CACNA2D3: variants seen among roughly 807,000 people sequenced by gnomAD.
CACNA2D3 encodes voltage-dependent calcium channel subunit alpha-2/delta-3.
Under a neutral mutation model 160.6 loss-of-function variants are expected in CACNA2D3, and 60 were observed. The observed-to-expected ratio is 0.37, with a 90% CI of 0.30 to 0.46. The LOEUF is 0.46. CACNA2D3 is among the 20% of genes least tolerant of loss of function. The probability of loss-of-function intolerance (pLI) is 1.00; values close to 1 mark genes in which losing one functional copy is unlikely to be tolerated. For synonymous variants in CACNA2D3, 558 were observed against 492.9 expected, an observed-to-expected ratio of 1.13 and a Z score of -1.75; for missense variants, 1,205 against 1,365.0, an observed-to-expected ratio of 0.88 and a Z score of 1.85.
chr3:54,413,479 T>C (rs1372306759), intron 4 of CACNA2D3, among the ~76,000 whole-genome samples: 1 of 149,754 alleles, frequency 6.7e-6, no homozygotes, highest in Non-Finnish European at 1.5e-5. Flanking sequence ...TTTTAAAATA[T>C]TCTAACTATA....
chr3:54,465,616 A>T (rs960637279), intron 4 of CACNA2D3, among the ~76,000 whole-genome samples: 1 of 152,172 alleles, frequency 6.6e-6, no homozygotes, highest in African/African-American at 2.4e-5. Context: ...ACCACATCCA[A>T]GTGCATACAC....
At chr3:54,426,920 G>A (rs751864904) in intron 4 of CACNA2D3, among the ~76,000 whole-genome samples, 14 of 152,070 alleles carry the variant, frequency 9.2e-5, no homozygotes, top group Non-Finnish European at 1.6e-4. Flanking sequence ...TGCTGTTAAT[G>A]TGTCTGCTTG....
Position 54,522,924 on chromosome 3 carries a change from A to AC in CACNA2D3, c.544+19270_544+19271insC, listed in dbSNP as rs1260162630. Among the ~76,000 whole-genome samples, 209 of 134,842 alleles carry AC rather than the reference A, an allele frequency of 1.5e-3. No homozygotes were observed. The East Asian group carries it at 0.024, about 16-fold the overall frequency. The allele number at this position is 134,842 out of a possible 152,430, so 88.5% of individuals were successfully genotyped here. A position where few individuals can be genotyped will look rare whatever the true frequency, so the allele number is the denominator to read the frequency against. The stretch of plus-strand genomic sequence containing the variant: ...CAAAGCACCATTTATTTATTTATTT[A>AC]TTTATTTATTTACTTACTTACTTAC... On this transcript the variant is annotated intron_variant, in intron 5 of 37. Coordinates refer to ENST00000474759, the MANE Select transcript of CACNA2D3 (RefSeq NM_018398.3).
At chr3:54,122,982 G>T in intron 1 of CACNA2D3, 147 bp downstream of exon 1, 1 of 741,262 alleles carries the variant, frequency 1.3e-6, no homozygotes, top group Non-Finnish European at 1.8e-6. Context: ...CGGGACCCGC[G>T]TCGGGCGGCG....
intron 2 of CACNA2D3, among the ~76,000 whole-genome samples, chr3:54,176,078 C>T (rs1700672450): frequency 6.6e-6 from 1 of 152,174 alleles, no homozygotes; most frequent in African/African-American, 2.4e-5. Flanking sequence ...GAATACTGTG[C>T]ATTGCCTAGC....
chr3:54,423,568 C>T (rs934456758), intron 4 of CACNA2D3, among the ~76,000 whole-genome samples: 1 of 152,176 alleles, frequency 6.6e-6, no homozygotes, highest in Non-Finnish European at 1.5e-5. Flanking sequence ...TGACTGTGGG[C>T]TGCAGGCATG....
At chr3:54,626,230 C>A in intron 9 of CACNA2D3, 1 of 967,120 alleles carries the variant, frequency 1.0e-6, no homozygotes, top group Non-Finnish European at 1.6e-6. Flanking sequence ...AGAAGTAGAG[C>A]AGAAGAAGCA....
chr3:54,797,002 A>G (rs1702878754), intron 13 of CACNA2D3, among the ~76,000 whole-genome samples: 1 of 152,106 alleles, frequency 6.6e-6, no homozygotes, highest in South Asian at 2.1e-4. Context: ...TATACCCCTA[A>G]GCCACTTAGT....
intron 11 of CACNA2D3, among the ~76,000 whole-genome samples, chr3:54,686,470 A>G (rs561001425): frequency 1.3e-5 from 2 of 152,240 alleles, no homozygotes; most frequent in Non-Finnish European, 2.9e-5. Flanking sequence ...TGAATCTACA[A>G]AACAACAGGA....
intron 27 of CACNA2D3, among the ~76,000 whole-genome samples, chr3:54,930,700 C>T (rs745420079): frequency 6.6e-6 from 1 of 152,240 alleles, no homozygotes; most frequent in Non-Finnish European, 1.5e-5. Flanking sequence ...TGAGCATCAG[C>T]ATTCTATCTG....
intron 5 of CACNA2D3, among the ~76,000 whole-genome samples, chr3:54,512,581 G>A (rs960214538): frequency 6.6e-6 from 1 of 152,148 alleles, no homozygotes; most frequent in Non-Finnish European, 1.5e-5. Flanking sequence ...GAAATTCAGT[G>A]AAGGGAGGAC....
chr3:55,023,323 A>G (rs572078520), intron 35 of CACNA2D3, among the ~76,000 whole-genome samples: 8 of 152,154 alleles, frequency 5.3e-5, no homozygotes, highest in African/African-American at 1.4e-4. Context: ...TTTATTCTGG[A>G]TAATTTCTTT....
At chr3:54,626,203 G>A in intron 9 of CACNA2D3, 1 of 813,254 alleles carries the variant, frequency 1.2e-6, no homozygotes, top group Non-Finnish European at 2.1e-6. Flanking sequence ...TCTTTTCTGA[G>A]GATCCGGCAA....
At chr3:54,565,871 T>G (rs1702401738) in intron 6 of CACNA2D3, among the ~76,000 whole-genome samples, 1 of 152,218 alleles carries the variant, frequency 6.6e-6, no homozygotes, top group Non-Finnish European at 1.5e-5. Flanking sequence ...CCTGAAATCC[T>G]GAACCATCAG....
chr3:54,565,076 C>T (rs545775786), intron 6 of CACNA2D3, among the ~76,000 whole-genome samples: 1 of 152,108 alleles, frequency 6.6e-6, no homozygotes, highest in African/African-American at 2.4e-5. Context: ...GCATCTGTCC[C>T]AGTAGCTTGG....
chr3:54,462,194 C>T (rs11717746), intron 4 of CACNA2D3, among the ~76,000 whole-genome samples: 20,320 of 152,024 alleles, frequency 0.13, 1,565 homozygotes, highest in South Asian at 0.24. Flanking sequence ...GCTTTACTTC[C>T]CAGTATGTGG....
In CACNA2D3 at chr3:54,763,812, C is replaced by T. The variant is rs9756753; in HGVS notation, c.1247-406C>T. Among the ~76,000 whole-genome samples, 160 of 41,854 alleles carry T rather than the reference C, an allele frequency of 3.8e-3. 25 individuals are homozygous for T. The highest frequency in any genetic ancestry group is 9.7e-3 in the South Asian group (12 of 1,232). 27.5% of individuals were successfully genotyped at this position (41,854 alleles called of 152,430 possible). A position where few individuals can be genotyped will look rare whatever the true frequency, so the allele number is the denominator to read the frequency against. ...ATGTATATATATGTACATATATATACATATATATATACGTATATATATGTA... is the reference window on the plus strand; with the variant it reads ...ATGTATATATATGTACATATATATATATATATATATACGTATATATATGTA... On this transcript the variant is annotated intron_variant, in intron 12 of 37. Transcript: ENST00000474759.
At chr3:54,747,674 T>A (rs1212786990) in intron 11 of CACNA2D3, among the ~76,000 whole-genome samples, 1 of 152,142 alleles carries the variant, frequency 6.6e-6, no homozygotes, top group Non-Finnish European at 1.5e-5. Flanking sequence ...GTGACTGCAT[T>A]CCATTAACAC....
At chr3:54,787,731 T>C (rs13323349) in intron 13 of CACNA2D3, among the ~76,000 whole-genome samples, 3,382 of 152,280 alleles carry the variant, frequency 0.022, 130 homozygotes, top group African/African-American at 0.077. Context: ...AAATGGATGA[T>C]AAGGATTATT....
Sources: gnomAD v4.1 joint callset for allele counts (sites outside exome capture counted in the v4.1 genomes callset) on GRCh38, gnomAD v4.1.1 for gene constraint, MANE v1.5 for transcripts, NCBI Gene and HGNC (gene_info 2026-07-23, HGNC 2026-07-21) for gene names.